The following CSMD1 variants were observed in gnomAD, a reference collection of about 807,000 sequenced individuals.
CSMD1 encodes the protein CUB and sushi domain-containing protein 1.
Under a neutral mutation model 417.5 loss-of-function variants are expected in CSMD1, and 213 were observed. The observed-to-expected ratio is 0.51, with a 90% CI of 0.46 to 0.57. CSMD1 has a LOEUF of 0.57. CSMD1 is among the 20% of genes least tolerant of loss of function. The pLI, the probability that CSMD1 is intolerant of heterozygous loss-of-function variation, is 0.00. For missense variants in CSMD1, 6,923 were observed against 4,529.7 expected (o/e 1.53, Z -15.17); for synonymous variants, 2,862 against 1,736.8 (o/e 1.65, Z -16.11).
intron 22 of CSMD1, among the ~76,000 whole-genome samples, chr8:3,344,991 C>T (rs913598351): frequency 3.3e-4 from 50 of 152,124 alleles, no homozygotes; most frequent in Admixed American, 3.3e-3. Context: ...CATCCAGAGA[C>T]TAAATGGTTT....
chr8:3,997,854 C>A lies in CSMD1; in HGVS notation c.818+49G>T, dbSNP rs534229246. The A allele has an allele frequency of 5.2e-5, 76 of 1,465,642 alleles. 1 individual carries two copies. In the South Asian group the frequency reaches 8.1e-4, roughly 16 times the overall value. The allele number at this position is 1,465,642 out of a possible 1,614,324, so 90.8% of individuals were successfully genotyped here. A position where few individuals can be genotyped will look rare whatever the true frequency, so the allele number is the denominator to read the frequency against. ...TCTTGAAGCTCGTTGGGGGAAAAAACGGGGAAAACACACCTGTATCCTTTG... is the reference window on the plus strand; with the variant it reads ...TCTTGAAGCTCGTTGGGGGAAAAAAAGGGGAAAACACACCTGTATCCTTTG... On this transcript the variant is annotated intron_variant, in intron 5 of 69. Coordinates refer to ENST00000635120, the MANE Select transcript of CSMD1 (RefSeq NM_033225.6).
At chr8:4,957,898 C>T (rs1449900420) in intron 1 of CSMD1, among the ~76,000 whole-genome samples, 1 of 152,146 alleles carries the variant, frequency 6.6e-6, no homozygotes, top group African/African-American at 2.4e-5. Context: ...ATTGATAAAG[C>T]TGGTGTCTGT....
chr8:3,643,700 CA>C (rs66500235), intron 7 of CSMD1, among the ~76,000 whole-genome samples: 3,878 of 85,220 alleles, frequency 0.046, 82 homozygotes, highest in African/African-American at 0.13. Context: ...GACTCCGTCT[CA>C]AAAAAAAAAA....
At chr8:4,186,090 C>T (rs986159604) in intron 3 of CSMD1, among the ~76,000 whole-genome samples, 2 of 152,144 alleles carry the variant, frequency 1.3e-5, no homozygotes, top group Non-Finnish European at 2.9e-5. Flanking sequence ...TTAGAGGAGG[C>T]ACCCTCTTTG....
At chr8:3,726,096 G>A (rs375676192) in intron 6 of CSMD1, among the ~76,000 whole-genome samples, 1 of 152,066 alleles carries the variant, frequency 6.6e-6, no homozygotes, top group Non-Finnish European at 1.5e-5. Context: ...GCAGCCACCG[G>A]GAATGCCACC....
At chr8:3,168,836 A>C (rs963998745) in intron 37 of CSMD1, among the ~76,000 whole-genome samples, 10 of 152,180 alleles carry the variant, frequency 6.6e-5, no homozygotes, top group South Asian at 4.1e-4. Flanking sequence ...CACTTGTTAC[A>C]TCCTGCAGTC....
At chr8:3,179,748 T>C (rs913147336) in intron 37 of CSMD1, among the ~76,000 whole-genome samples, 1 of 152,248 alleles carries the variant, frequency 6.6e-6, no homozygotes, top group Non-Finnish European at 1.5e-5. Flanking sequence ...CTTATGTTTT[T>C]CTATCTACAG....
intron 2 of CSMD1, among the ~76,000 whole-genome samples, chr8:4,534,751 A>G (rs1382617407): frequency 6.6e-6 from 1 of 151,440 alleles, no homozygotes; most frequent in Non-Finnish European, 1.5e-5. Flanking sequence ...ATCCACGTAC[A>G]ATTTCTTTCT....
At chr8:3,280,648 T>C (rs1192002564) in intron 26 of CSMD1, among the ~76,000 whole-genome samples, 2 of 152,224 alleles carry the variant, frequency 1.3e-5, no homozygotes, top group African/African-American at 4.8e-5. Flanking sequence ...ATTGTCAACA[T>C]TCAATCATTT....
At chr8:3,817,206 A>G (rs1801423792) in intron 5 of CSMD1, among the ~76,000 whole-genome samples, 1 of 123,948 alleles carries the variant, frequency 8.1e-6, no homozygotes. Flanking sequence ...TCAATTGTCC[A>G]CTCTGGAAAG....
chr8:4,095,043 T>G (rs1038192756), intron 3 of CSMD1, among the ~76,000 whole-genome samples: 1 of 152,200 alleles, frequency 6.6e-6, no homozygotes, highest in Non-Finnish European at 1.5e-5. Flanking sequence ...GAAAGTCATG[T>G]AAGTAGTTGA....
chr8:4,176,083 A>C (rs895904243), intron 3 of CSMD1, among the ~76,000 whole-genome samples: 15 of 152,148 alleles, frequency 9.9e-5, no homozygotes, highest in African/African-American at 3.6e-4. Flanking sequence ...GAACCCTTGC[A>C]GAATCACTCC....
At chr8:3,123,918 G>A (rs1333530214) in intron 41 of CSMD1, among the ~76,000 whole-genome samples, 1 of 152,142 alleles carries the variant, frequency 6.6e-6, no homozygotes, top group Admixed American at 6.6e-5. Flanking sequence ...GACTTAAGAA[G>A]TACAATTAAG....
At chr8:4,959,919 T>C (rs1399764616) in intron 1 of CSMD1, among the ~76,000 whole-genome samples, 1 of 152,114 alleles carries the variant, frequency 6.6e-6, no homozygotes, top group Non-Finnish European at 1.5e-5. Flanking sequence ...CCCTATTTTC[T>C]GCTCTACACT....
intron 1 of CSMD1, among the ~76,000 whole-genome samples, chr8:4,753,338 G>A (rs750405368): frequency 6.6e-6 from 1 of 151,608 alleles, no homozygotes; most frequent in East Asian, 1.9e-4. Flanking sequence ...GGCTAGCACT[G>A]TCTGCTTTCA....
chr8:3,343,295 G>A lies in CSMD1; in HGVS notation c.3630C>T (p.Thr1210=), dbSNP rs757979114. 1 of 1,612,636 alleles carries A rather than the reference G, an allele frequency of 6.2e-7. No homozygotes were observed. The highest frequency in any genetic ancestry group is 1.1e-5 in the South Asian group (1 of 91,036). Residue 1210 remains threonine (T), a splice_region_variant and synonymous_variant, in exon 23 of 70, where the codon ACC becomes ACT. Transcript: ENST00000635120. ...GTGATTAAGTCGTATGTTACTTACT[G>A]GTATAGGTGAGTTGAAAACCTTGGT... is the stretch of plus-strand genomic sequence containing the variant. The part of the protein sequence containing the change: ...DTDQGFQLTY[T]SFDLVKCEDP...
At chr8:3,806,641 G>C (rs1366081341) in intron 5 of CSMD1, among the ~76,000 whole-genome samples, 1 of 152,190 alleles carries the variant, frequency 6.6e-6, no homozygotes, top group African/African-American at 2.4e-5. Flanking sequence ...AGCTTCATAT[G>C]TGCATCAGAC....
intron 1 of CSMD1, among the ~76,000 whole-genome samples, chr8:4,815,279 T>C (rs992032212): frequency 2.0e-5 from 3 of 151,348 alleles, no homozygotes; most frequent in Admixed American, 2.0e-4. Context: ...TTCAAACCAA[T>C]CTGCATTTGT....
At chr8:4,236,049 T>TTTTG (rs1802035677) in intron 3 of CSMD1, among the ~76,000 whole-genome samples, 6 of 73,080 alleles carry the variant, frequency 8.2e-5, no homozygotes, top group Admixed American at 3.9e-4. Context: ...GTTTTTTTTT[T>TTTTG]TTTTTTTTTT....
Sources: allele counts gnomAD v4.1 joint callset (sites outside exome capture counted in the v4.1 genomes callset), GRCh38; gene constraint gnomAD v4.1.1; transcripts MANE v1.5; gene names NCBI Gene and HGNC (gene_info 2026-07-23, HGNC 2026-07-21).